Variants in SNX29 observed in about 807,000 individuals in gnomAD.
The protein encoded by SNX29 is sorting nexin 29, also known as sorting nexin-29.
In SNX29, 78 loss-of-function variants were observed where a neutral mutation model predicts 102.1. The observed-to-expected ratio is 0.76, with a 90% CI of 0.64 to 0.92. The LOEUF is 0.92. Ranked by LOEUF, SNX29 falls within the 40% of genes least tolerant of loss-of-function variation. The probability of loss-of-function intolerance (pLI) is 0.00; values close to 1 mark genes in which losing one functional copy is unlikely to be tolerated. For synonymous variants in SNX29, 580 were observed against 414.5 expected, an observed-to-expected ratio of 1.40 and a Z score of -4.85; for missense variants, 1,280 against 1,061.7, an observed-to-expected ratio of 1.21 and a Z score of -2.86.
chr16:12,370,424 A>G (rs1429279062), intron 16 of SNX29, among the ~76,000 whole-genome samples: 2 of 152,092 alleles, frequency 1.3e-5, no homozygotes, highest in Middle Eastern at 3.4e-3. Context: ...GCTGGGTTTG[A>G]TGGCAAGTGC....
chr16:12,268,282 A>G (rs1596693026), intron 14 of SNX29, among the ~76,000 whole-genome samples: 1 of 152,162 alleles, frequency 6.6e-6, no homozygotes, highest in African/African-American at 2.4e-5. Context: ...CCCCCTTGAT[A>G]CATCCCTGTA....
At chr16:12,364,637 C>G (rs191872384) in intron 16 of SNX29, among the ~76,000 whole-genome samples, 50 of 152,266 alleles carry the variant, frequency 3.3e-4, no homozygotes, top group Non-Finnish European at 1.2e-4. Flanking sequence ...GCGGTGAAAG[C>G]TAAAGGTGAA....
chr16:12,562,937 T>G (rs1017711567), intron 20 of SNX29, among the ~76,000 whole-genome samples: 1 of 152,050 alleles, frequency 6.6e-6, no homozygotes, highest in African/African-American at 2.4e-5. Context: ...AAAACCTGCA[T>G]AGTAAGAAGC....
intron 13 of SNX29, among the ~76,000 whole-genome samples, chr16:12,184,223 G>A (rs2076459029): frequency 6.6e-6 from 1 of 152,168 alleles, no homozygotes; most frequent in Non-Finnish European, 1.5e-5. Flanking sequence ...CTAACATACG[G>A]TTCATATTCA....
At chr16:12,260,601 T>C (rs1261276487) in intron 14 of SNX29, among the ~76,000 whole-genome samples, 4 of 137,362 alleles carry the variant, frequency 2.9e-5, no homozygotes, top group African/African-American at 1.1e-4. Context: ...TCTCTTGGAG[T>C]GCGTTCCACC....
At chr16:12,485,562 AC>A (rs2088188419) in intron 19 of SNX29, among the ~76,000 whole-genome samples, 1 of 152,148 alleles carries the variant, frequency 6.6e-6, no homozygotes, top group Admixed American at 6.5e-5. Context: ...CCCCTTTGCA[AC>A]TTCTTGGGAG....
At chr16:12,471,303 G>A (rs1293368162) in intron 18 of SNX29, among the ~76,000 whole-genome samples, 2 of 152,198 alleles carry the variant, frequency 1.3e-5, no homozygotes, top group Non-Finnish European at 2.9e-5. Flanking sequence ...AATGTTGACT[G>A]CTTGGTGGTT....
intron 20 of SNX29, among the ~76,000 whole-genome samples, chr16:12,532,290 T>C (rs573192895): frequency 3.3e-5 from 5 of 152,228 alleles, no homozygotes; most frequent in Admixed American, 2.0e-4. Flanking sequence ...AGTCCTTAAA[T>C]TGGCATTCTG....
rs563506024 is a variant in SNX29, at chr16:12,565,460, G to A, written c.2319-3046G>A. Among the ~76,000 whole-genome samples the A allele has an allele frequency of 1.1e-3, 161 of 152,242 alleles. 1 individual carries two copies. The highest frequency in any genetic ancestry group is 0.01 in the Middle Eastern group (3 of 294). On this transcript the variant is annotated intron_variant, in intron 20 of 20. Coordinates refer to ENST00000566228, the MANE Select transcript of SNX29 (RefSeq NM_032167.5). ...CTCACCTGCCCCCTCCTCATCCTGGGTTCTCTCAAACCATCACAGCACCCC... is the reference window on the plus strand; with the variant it reads ...CTCACCTGCCCCCTCCTCATCCTGGATTCTCTCAAACCATCACAGCACCCC...
At chr16:12,560,422 G>A (rs887079638) in intron 20 of SNX29, among the ~76,000 whole-genome samples, 3 of 152,174 alleles carry the variant, frequency 2.0e-5, no homozygotes, top group Admixed American at 6.5e-5. Context: ...TGTCTGTCCT[G>A]TAGGCATCCA....
intron 18 of SNX29, among the ~76,000 whole-genome samples, chr16:12,454,920 G>A (rs1005366934): frequency 1.3e-5 from 2 of 151,990 alleles, no homozygotes; most frequent in African/African-American, 4.8e-5. Context: ...TAATTATTTC[G>A]TGTTTTTAGC....
intron 14 of SNX29, among the ~76,000 whole-genome samples, chr16:12,254,645 C>CAA (rs112978310): frequency 2.9e-5 from 4 of 139,272 alleles, no homozygotes; most frequent in African/African-American, 7.9e-5. Context: ...ACTCCATCTC[C>CAA]AAAAAAAAAA....
At chr16:12,447,611 G>T (rs923275843) in intron 18 of SNX29, among the ~76,000 whole-genome samples, 2 of 152,204 alleles carry the variant, frequency 1.3e-5, no homozygotes, top group African/African-American at 2.4e-5. Flanking sequence ...ATATTCCCTT[G>T]CTGTGAGACC....
chr16:12,345,140 C>T (rs892685682), intron 15 of SNX29, among the ~76,000 whole-genome samples: 3 of 152,200 alleles, frequency 2.0e-5, no homozygotes, highest in Non-Finnish European at 4.4e-5. Flanking sequence ...CAGTAACACA[C>T]GTGGAGTTGG....
chr16:12,547,135 CAG>C (rs1233003576), intron 20 of SNX29, among the ~76,000 whole-genome samples: 3 of 152,128 alleles, frequency 2.0e-5, no homozygotes, highest in Admixed American at 1.3e-4. Flanking sequence ...ACAGTCATCA[CAG>C]AGGGAAAGAA....
At chr16:12,342,441 C>T (rs1474943796) in intron 15 of SNX29, among the ~76,000 whole-genome samples, 1 of 152,098 alleles carries the variant, frequency 6.6e-6, no homozygotes, top group Non-Finnish European at 1.5e-5. Context: ...TCATGGGACA[C>T]AGCCAGTGAA....
At chr16:12,223,744 T>C (rs2077537503) in intron 14 of SNX29, among the ~76,000 whole-genome samples, 1 of 152,200 alleles carries the variant, frequency 6.6e-6, no homozygotes, top group African/African-American at 2.4e-5. Flanking sequence ...GGCCCAGCGC[T>C]TCTGCATGTG....
At chr16:12,529,725 C>A (rs1347724209) in intron 20 of SNX29, among the ~76,000 whole-genome samples, 1 of 152,026 alleles carries the variant, frequency 6.6e-6, no homozygotes, top group Non-Finnish European at 1.5e-5. Context: ...GAAATATATC[C>A]ATTTTTTGCT....
rs757805840 is a variant in SNX29 at position 12,568,499 on chromosome 16, C to A, written c.2319-7C>A. On this transcript the variant is annotated splice_polypyrimidine_tract_variant and splice_region_variant and intron_variant, in intron 20 of 20. Transcript: ENST00000566228. ...GACTTAACCCGATTCTCTCCCTGCT[C>A]TTTCAGCGACATCACCCCGCCCGGA... 1.2e-6 allele frequency: 2 copies of A among 1,609,598 alleles called. No individual in the cohort carries two copies. Among genetic ancestry groups the A allele is most frequent in the Non-Finnish European group, 1.7e-6 (2 of 1,179,818 alleles).
Sources: allele counts gnomAD v4.1 joint callset (sites outside exome capture counted in the v4.1 genomes callset), GRCh38; gene constraint gnomAD v4.1.1; transcripts MANE v1.5; gene names NCBI Gene and HGNC (gene_info 2026-07-23, HGNC 2026-07-21).